PTPRZ1: variants seen among roughly 807,000 people sequenced by gnomAD.
PTPRZ1 encodes protein tyrosine phosphatase receptor type Z1.
Under a neutral mutation model 214.1 loss-of-function variants are expected in PTPRZ1, and 82 were observed. The observed-to-expected ratio is 0.38, with a 90% CI of 0.32 to 0.46. The LOEUF is 0.46. Among genes scored for constraint, PTPRZ1 ranks in the 20% least tolerant of loss-of-function variants. The probability of loss-of-function intolerance (pLI) is 1.00; values close to 1 mark genes in which losing one functional copy is unlikely to be tolerated. For missense variants in PTPRZ1, 2,603 were observed against 2,748.7 expected (o/e 0.95, Z 1.19); for synonymous variants, 945 against 987.9 (o/e 0.96, Z 0.81).
At chr7:122,019,437 A>G (rs1798950526) in intron 13 of PTPRZ1, among the ~76,000 whole-genome samples, 169 bp downstream of exon 13, 1 of 152,180 alleles carries the variant, frequency 6.6e-6, no homozygotes, top group African/African-American at 2.4e-5. Context: ...GAAGGAGTTA[A>G]TTGTTCTTCA....
At chr7:121,999,912 T>C (rs1291310163) in intron 10 of PTPRZ1, among the ~76,000 whole-genome samples, 1 of 152,158 alleles carries the variant, frequency 6.6e-6, no homozygotes, top group African/African-American at 2.4e-5. Flanking sequence ...TTAAAATTTC[T>C]ATTTATTTAA....
At chr7:122,053,057 A>G (rs2150490549) in intron 25 of PTPRZ1, among the ~76,000 whole-genome samples, 1 of 152,292 alleles carries the variant, frequency 6.6e-6, no homozygotes, top group South Asian at 2.1e-4. Context: ...ATGAAAAACC[A>G]CAGTGTGAAA....
In PTPRZ1 at chr7:122,011,709, A is replaced by G; in HGVS notation, c.2663A>G (p.Glu888Gly). 1.2e-6 allele frequency: 2 copies of G among 1,614,108 alleles called. No homozygotes were observed. The highest frequency in any genetic ancestry group is 1.7e-6 in the Non-Finnish European group (2 of 1,180,018). ...CTGTCCACTACTCATGCTGCTTCAG[A>G]GACGCTGGAATTTGGTAGTGAATCT... ...DVLSTTHAASETLEFGSESGV... is the reference protein window; with the variant it reads ...DVLSTTHAASGTLEFGSESGV... The change falls in exon 12 of 30, where the codon GAG (glutamate) becomes GGG (glycine). Residue 888 changes from glutamate (E) to glycine (G), a missense_variant. Around this residue, in one of 6 missense-constraint regions of PTPRZ1, gnomAD observed 1,913 missense variants for 1,914.3 expected, o/e 1.00. Transcript: ENST00000393386.
intron 8 of PTPRZ1, among the ~76,000 whole-genome samples, chr7:121,987,804 A>T (rs918361585): frequency 5.3e-5 from 8 of 152,220 alleles, no homozygotes; most frequent in Non-Finnish European, 1.5e-5. Context: ...AGATTAAAAA[A>T]ATGTAGTACA....
chr7:121,993,373 C>T (rs917360381), intron 8 of PTPRZ1, among the ~76,000 whole-genome samples: 4 of 151,090 alleles, frequency 2.6e-5, no homozygotes, highest in African/African-American at 9.7e-5. Context: ...AACACGGTGA[C>T]CATCCCGGCT....
At chr7:122,044,130 A>G (rs888841853) in intron 22 of PTPRZ1, among the ~76,000 whole-genome samples, 4 of 152,206 alleles carry the variant, frequency 2.6e-5, no homozygotes, top group African/African-American at 9.6e-5. Flanking sequence ...TTTGAAGGAT[A>G]GGCAGAGAGG....
At chr7:122,023,549 TTA>T (rs1245307422) in intron 13 of PTPRZ1, among the ~76,000 whole-genome samples, 9 of 134,602 alleles carry the variant, frequency 6.7e-5, no homozygotes, top group African/African-American at 2.5e-4. Flanking sequence ...TTATATATAA[TTA>T]TATATATTAT....
intron 1 of PTPRZ1, among the ~76,000 whole-genome samples, chr7:121,877,737 G>A (rs1023014361): frequency 6.6e-5 from 10 of 152,104 alleles, no homozygotes; most frequent in African/African-American, 2.4e-4. Flanking sequence ...TTTAAATCTT[G>A]TTTTAAAGAT....
At chr7:121,987,067 G>A (rs1464787398) in intron 8 of PTPRZ1, among the ~76,000 whole-genome samples, 1 of 152,092 alleles carries the variant, frequency 6.6e-6, no homozygotes, top group African/African-American at 2.4e-5. Context: ...TATATCCTTA[G>A]GATAAATAAA....
chr7:122,044,147 C>G (rs1799811554), intron 22 of PTPRZ1, among the ~76,000 whole-genome samples: 1 of 152,170 alleles, frequency 6.6e-6, no homozygotes, highest in Admixed American at 6.5e-5. Flanking sequence ...GAGGACATTC[C>G]TTTGCCTTGC....
At position 121,995,797 on chromosome 7, in the gene PTPRZ1, C is replaced by T. The variant is rs141165689; in HGVS notation, c.929-585C>T. Among the ~76,000 whole-genome samples, 590 of 152,120 alleles carry T rather than the reference C, an allele frequency of 3.9e-3. 1 individual carries two copies. Among genetic ancestry groups the T allele is most frequent in the South Asian group, 9.1e-3 (44 of 4,814 alleles). ...AGGATTGTCTAATAACAAAATGTTC[C>T]GATAATAGTATGTCTTTCATAATTG... On this transcript the variant is annotated intron_variant, in intron 8 of 29. Transcript: ENST00000393386.
intron 11 of PTPRZ1, among the ~76,000 whole-genome samples, chr7:122,006,380 T>C (rs57199197): frequency 0.16 from 24,534 of 152,026 alleles, 2,102 homozygotes; most frequent in South Asian, 0.3. Flanking sequence ...TTAACCAATC[T>C]CTGCCTGTCG....
intron 8 of PTPRZ1, among the ~76,000 whole-genome samples, chr7:121,995,299 A>G (rs1798099528): frequency 6.6e-6 from 1 of 152,164 alleles, no homozygotes; most frequent in Non-Finnish European, 1.5e-5. Context: ...GCTCTCATTG[A>G]GTGGCTTTGT....
intron 13 of PTPRZ1, 32 bp from the exon 14 acceptor site, chr7:122,028,520 T>C: frequency 1.4e-6 from 2 of 1,429,974 alleles, no homozygotes; most frequent in Non-Finnish European, 2.0e-6. Flanking sequence ...CCATAGCAAC[T>C]AGTAGTATAA....
chr7:121,986,632 A>G (rs1210029590), intron 8 of PTPRZ1, among the ~76,000 whole-genome samples: 2 of 152,198 alleles, frequency 1.3e-5, no homozygotes, highest in African/African-American at 4.8e-5. Context: ...ATATTGTCAC[A>G]GAATTTCACA....
chr7:121,998,660 A>G (rs1798221274), intron 10 of PTPRZ1, among the ~76,000 whole-genome samples: 1 of 152,186 alleles, frequency 6.6e-6, no homozygotes, highest in Admixed American at 6.5e-5. Flanking sequence ...AATGCTGACC[A>G]TCATAATTTG....
intron 1 of PTPRZ1, among the ~76,000 whole-genome samples, chr7:121,893,652 AG>A (rs1454916687): frequency 2.0e-5 from 3 of 152,208 alleles, no homozygotes; most frequent in African/African-American, 7.2e-5. Flanking sequence ...CTGTAGAAAA[AG>A]GGGGAAATGG....
In PTPRZ1 at chr7:122,011,342, G is replaced by A. The variant is rs1315555420; in HGVS notation, c.2296G>A (p.Glu766Lys). 1.9e-6 allele frequency: 3 copies of A among 1,614,164 alleles called. No individual in the cohort carries two copies. The highest frequency in any genetic ancestry group is 2.5e-6 in the Non-Finnish European group (3 of 1,180,024). Residue 766 changes from glutamate (E) to lysine (K), a missense_variant, in exon 12 of 30, where the codon GAA (glutamate) becomes AAA (lysine). Transcript: ENST00000393386. ...ETPLQPSYSSEVFPLVTPLLL... is the reference protein window; with the variant it reads ...ETPLQPSYSSKVFPLVTPLLL... Reference sequence around the variant, plus strand: ...ACCTCTTCAACCTTCCTACAGTAGTGAAGTCTTTCCTCTAGTCACCCCTTT... The same window carrying A: ...ACCTCTTCAACCTTCCTACAGTAGTAAAGTCTTTCCTCTAGTCACCCCTTT...
chr7:122,040,771 TGTGTG>T, intron 20 of PTPRZ1, 40 bp from the exon 21 acceptor site: 1 of 1,168,504 alleles, frequency 8.6e-7, no homozygotes, highest in Non-Finnish European at 1.2e-6. Flanking sequence ...TGTGTGTGTG[TGTGTG>T]TGTGTGTTTG....
Sources: allele counts gnomAD v4.1 joint callset (sites outside exome capture counted in the v4.1 genomes callset), GRCh38; gene constraint gnomAD v4.1.1; regional missense constraint gnomAD v4.1.1; transcripts MANE v1.5; gene names NCBI Gene and HGNC (gene_info 2026-07-23, HGNC 2026-07-21).